The following MMP26 variants were observed in gnomAD, a reference collection of about 807,000 sequenced individuals.
MMP26 encodes the protein matrix metallopeptidase 26.
A neutral mutation model predicts 31.0 loss-of-function variants in MMP26; 33 were observed. The ratio of observed to expected loss-of-function variants is 1.06; its 90% CI spans 0.81 to 1.42. The LOEUF (loss-of-function observed/expected upper bound fraction) is 1.42, where lower values mean the gene tolerates loss of function less well. MMP26 is among the 40% of genes most tolerant of loss of function. The pLI, the probability that MMP26 is intolerant of heterozygous loss-of-function variation, is 0.00. For missense variants in MMP26, 347 were observed against 316.1 expected (o/e 1.10, Z -0.74); for synonymous variants, 122 against 114.9 (o/e 1.06, Z -0.40).
chr11:4,741,667 G>A (rs1848314059), intron 1 of MMP26, among the ~76,000 whole-genome samples: 1 of 151,776 alleles, frequency 6.6e-6, no homozygotes, highest in African/African-American at 2.4e-5. Context: ...GGGGAGGGGA[G>A]GGAACTTAGA....
intron 1 of MMP26, among the ~76,000 whole-genome samples, chr11:4,729,779 G>A (rs1848148846): frequency 6.6e-6 from 1 of 151,946 alleles, no homozygotes; most frequent in African/African-American, 2.4e-5. Flanking sequence ...AAGTGCAAAT[G>A]AGAAAGCCTC....
At chr11:4,839,280 C>G (rs1849762216) in intron 2 of MMP26, among the ~76,000 whole-genome samples, 1 of 151,958 alleles carries the variant, frequency 6.6e-6, no homozygotes, top group Non-Finnish European at 1.5e-5. Flanking sequence ...GACTGCAACT[C>G]TCAAACGAGT....
intron 2 of MMP26, among the ~76,000 whole-genome samples, chr11:4,862,627 G>C (rs1850178798): frequency 6.6e-6 from 1 of 152,222 alleles, no homozygotes; most frequent in Middle Eastern, 3.4e-3. Context: ...CTCAAGAACT[G>C]GTCTGGGAGC....
chr11:4,724,896 T>C (rs139518659), intron 1 of MMP26, among the ~76,000 whole-genome samples: 8 of 152,322 alleles, frequency 5.3e-5, no homozygotes, highest in Non-Finnish European at 1.0e-4. Context: ...TAGACTGATA[T>C]GGTTTGGATC....
chr11:4,893,988 T>G (rs1462525517), intron 2 of MMP26, among the ~76,000 whole-genome samples: 1 of 152,108 alleles, frequency 6.6e-6, no homozygotes, highest in Non-Finnish European at 1.5e-5. Context: ...TTAAAAATAT[T>G]TCAATGTTAG....
chr11:4,852,757 A>T (rs1849993403), intron 2 of MMP26, among the ~76,000 whole-genome samples: 1 of 152,206 alleles, frequency 6.6e-6, no homozygotes. Context: ...TCAAAGAGAT[A>T]TCTTCACTCC....
intron 2 of MMP26, among the ~76,000 whole-genome samples, chr11:4,938,679 G>T (rs956028407): frequency 6.6e-6 from 1 of 151,998 alleles, no homozygotes; most frequent in Non-Finnish European, 1.5e-5. Flanking sequence ...AACTTCTTGA[G>T]CAAGGAAAGC....
intron 2 of MMP26, chr11:4,860,254 A>T (rs1215742256): frequency 4.2e-6 from 2 of 471,312 alleles, no homozygotes; most frequent in Admixed American, 2.3e-5. Flanking sequence ...ATGGATGAAG[A>T]ACATCTGCAT....
chr11:4,819,722 A>G (rs1308870052), intron 2 of MMP26, among the ~76,000 whole-genome samples: 1 of 151,664 alleles, frequency 6.6e-6, no homozygotes, highest in African/African-American at 2.4e-5. Context: ...GGACCTACAG[A>G]CATGTACCAC....
chr11:4,930,891 CGTT>C (rs749994666), intron 2 of MMP26, among the ~76,000 whole-genome samples: 15 of 151,632 alleles, frequency 9.9e-5, no homozygotes, highest in Non-Finnish European at 1.6e-4. Flanking sequence ...CTTTTTGCAG[CGTT>C]GTTCTCAAAT....
intron 2 of MMP26, among the ~76,000 whole-genome samples, chr11:4,917,645 G>T (rs1377337143): frequency 6.6e-6 from 1 of 152,142 alleles, no homozygotes; most frequent in Non-Finnish European, 1.5e-5. Context: ...GTGATCAGTG[G>T]TTACCACATT....
rs1851272575 is a variant in MMP26 at position 4,926,305 on chromosome 11, G to T, written c.-144-61763G>T. The stretch of plus-strand genomic sequence containing the variant: ...AAGTAGAGACTTGGAGGGGAACTGG[G>T]CTGTGAAGGAAAAAGTAGATATCAA... On this transcript the variant is annotated intron_variant, in intron 2 of 7. Coordinates refer to ENST00000380390, the MANE Select transcript of MMP26 (RefSeq NM_021801.5). Among the ~76,000 whole-genome samples the T allele has an allele frequency of 2.0e-5, 3 of 152,188 alleles. No homozygotes were observed. The South Asian group carries it at 6.2e-4, about 32-fold the overall frequency.
intron 2 of MMP26, among the ~76,000 whole-genome samples, chr11:4,868,212 TG>T (rs1022595976): frequency 1.3e-5 from 2 of 151,856 alleles, no homozygotes; most frequent in African/African-American, 2.4e-5. Context: ...CATGGACACA[TG>T]GGGGGAACAA....
intron 2 of MMP26, among the ~76,000 whole-genome samples, chr11:4,935,916 A>G (rs1851433088): frequency 7.3e-6 from 1 of 137,096 alleles, no homozygotes; most frequent in African/African-American, 2.7e-5. Flanking sequence ...CTTGCATCCC[A>G]GGGATGAAGC....
intron 2 of MMP26, among the ~76,000 whole-genome samples, chr11:4,812,410 G>GT (rs1299276322): frequency 6.6e-6 from 1 of 152,160 alleles, no homozygotes; most frequent in Non-Finnish European, 1.5e-5. Flanking sequence ...CAAGGTTGAG[G>GT]TGACATGCCT....
At chr11:4,746,445 C>A (rs1848380287) in intron 1 of MMP26, among the ~76,000 whole-genome samples, 1 of 152,130 alleles carries the variant, frequency 6.6e-6, no homozygotes, top group Non-Finnish European at 1.5e-5. Context: ...ATTCTTAAGG[C>A]AAGAAGCTAG....
intron 2 of MMP26, chr11:4,947,074 A>C: frequency 6.5e-7 from 1 of 1,527,996 alleles, no homozygotes; most frequent in South Asian, 1.1e-5. Flanking sequence ...TGGTGATTTC[A>C]ACATATGATG....
chr11:4,989,356 C>T (rs1284426835), intron 3 of MMP26, among the ~76,000 whole-genome samples: 2 of 152,280 alleles, frequency 1.3e-5, no homozygotes, highest in African/African-American at 4.8e-5. Flanking sequence ...GTAATATCTT[C>T]CTGTCGTTTA....
chr11:4,908,396 A>C, intron 2 of MMP26: 1 of 1,097,062 alleles, frequency 9.1e-7, no homozygotes, highest in Non-Finnish European at 1.4e-6. Context: ...GTCACTAATG[A>C]AGGACTGGAT....
Sources: gnomAD v4.1 joint callset for allele counts (sites outside exome capture counted in the v4.1 genomes callset) on GRCh38, gnomAD v4.1.1 for gene constraint, MANE v1.5 for transcripts, NCBI Gene and HGNC (gene_info 2026-07-23, HGNC 2026-07-21) for gene names.